The following ACSL3 variants were observed in gnomAD, a reference collection of about 807,000 sequenced individuals.
ACSL3 encodes the protein fatty acid CoA ligase Acsl3.
Under a neutral mutation model 84.7 loss-of-function variants are expected in ACSL3, and 34 were observed. The ratio of observed to expected loss-of-function variants is 0.40; its 90% CI spans 0.31 to 0.53. The LOEUF is 0.53. Among genes scored for constraint, ACSL3 ranks in the 20% least tolerant of loss-of-function variants. ACSL3 has a pLI of 0.48. For synonymous variants in ACSL3, 315 were observed against 299.4 expected (o/e 1.05, Z -0.54); for missense variants, 680 against 873.1 (o/e 0.78, Z 2.79).
chr2:222,903,608 G>GT (rs1366854789), intron 3 of ACSL3, among the ~76,000 whole-genome samples: 4 of 152,170 alleles, frequency 2.6e-5, no homozygotes, highest in African/African-American at 7.2e-5. Flanking sequence ...ATTGAAAAGA[G>GT]TTATATGAGT....
Position 222,909,145 on chromosome 2 carries a change from A to T in ACSL3, c.373A>T (p.Lys125Ter). ...DEVQPNGKIF[K>*]KVILGQYNWL... is the part of the protein sequence containing the mutation. Reference sequence around the variant, plus strand: ...AGTACAACCAAATGGAAAAATTTTTAAAAAGGTAAGATGATCTTTCATTGC... The same window carrying T: ...AGTACAACCAAATGGAAAAATTTTTTAAAAGGTAAGATGATCTTTCATTGC... The change falls in exon 4 of 17, where the codon AAA becomes TAA. Residue 125 changes from lysine to a stop codon, truncating the protein, a stop_gained. Coordinates refer to ENST00000357430, the MANE Select transcript of ACSL3 (RefSeq NM_004457.5). LOFTEE classifies it high-confidence loss of function. 1 of 1,595,046 alleles carries T rather than the reference A, an allele frequency of 6.3e-7. No homozygotes were observed. Among genetic ancestry groups the T allele is most frequent in the Non-Finnish European group, 8.5e-7 (1 of 1,175,516 alleles).
In ACSL3 at chr2:222,943,798, A is replaced by G. The variant is rs1377025469; in HGVS notation, c.*2144A>G. The G allele has an allele frequency of 6.6e-6, 1 of 152,260 alleles. No homozygotes were observed. The highest frequency in any genetic ancestry group is 1.5e-5 in the Non-Finnish European group (1 of 67,984). The allele number at this position is 152,260 out of a possible 1,614,324, so 9.4% of individuals were successfully genotyped here. On this transcript the variant is annotated 3_prime_UTR_variant, in exon 17 of 17. Coordinates refer to ENST00000357430, the MANE Select transcript of ACSL3 (RefSeq NM_004457.5). The stretch of plus-strand genomic sequence containing the variant: ...CCCTTTCAAGAGGAAAAAACTGTTC[A>G]ATGAAAAAACCACTCAATTATGACT...
intron 1 of ACSL3, among the ~76,000 whole-genome samples, chr2:222,871,244 A>G (rs1695295357): frequency 7.2e-6 from 1 of 138,306 alleles, no homozygotes; most frequent in South Asian, 2.1e-4. Flanking sequence ...TGAGTTGGGA[A>G]AGGTGAAAGC....
At chr2:222,920,546 G>GA (rs1464740665) in intron 7 of ACSL3, among the ~76,000 whole-genome samples, 1 of 152,160 alleles carries the variant, frequency 6.6e-6, no homozygotes, top group Non-Finnish European at 1.5e-5. Context: ...CAAACACCTA[G>GA]ATACTCTAGT....
chr2:222,903,557 A>G (rs1265323151), intron 3 of ACSL3, among the ~76,000 whole-genome samples: 1 of 152,258 alleles, frequency 6.6e-6, no homozygotes, highest in Non-Finnish European at 1.5e-5. Context: ...GAGTAACACC[A>G]TAGTTATATG....
At position 222,896,197 on chromosome 2, in the gene ACSL3, AC is replaced by A. The variant is rs1185324077; in HGVS notation, c.-147-4466del. Among the ~76,000 whole-genome samples, 6 of 2,310 alleles carry A rather than the reference AC, an allele frequency of 2.6e-3. 1 individual carries two copies. Among genetic ancestry groups the A allele is most frequent in the African/African-American group, 4.5e-3 (1 of 222 alleles). The allele number at this position is 2,310 out of a possible 152,430, so 1.5% of individuals were successfully genotyped here. On this transcript the variant is annotated intron_variant, in intron 2 of 16. Transcript: ENST00000357430. The stretch of plus-strand genomic sequence containing the variant: ...CCCTCCCGGACGGGGCGGCTGGCCG[AC>A]CCCCCCCCCCGCCGCCTCCCTCCCG...
intron 16 of ACSL3, among the ~76,000 whole-genome samples, chr2:222,935,807 TAAC>T (rs958055325): frequency 1.3e-5 from 2 of 152,230 alleles, no homozygotes; most frequent in African/African-American, 2.4e-5. Flanking sequence ...TTTACTATCT[TAAC>T]ATTTTAAGTG....
rs1469821608 is a variant in ACSL3 at position 222,909,154 on chromosome 2, A to T, written c.378+4A>T. On this transcript the variant is annotated splice_donor_region_variant and intron_variant, in intron 4 of 16. Coordinates refer to ENST00000357430, the MANE Select transcript of ACSL3 (RefSeq NM_004457.5). ...AAATGGAAAAATTTTTAAAAAGGTA[A>T]GATGATCTTTCATTGCCTTTGAATT... is the stretch of plus-strand genomic sequence containing the variant. 1.3e-6 allele frequency: 2 copies of T among 1,592,980 alleles called. No homozygotes were observed. Among genetic ancestry groups the T allele is most frequent in the Non-Finnish European group, 1.7e-6 (2 of 1,174,812 alleles).
At chr2:222,917,991 T>A (rs1574553819) in intron 5 of ACSL3, 55 bp from the exon 6 acceptor site, 2 of 1,278,830 alleles carry the variant, frequency 1.6e-6, no homozygotes, top group African/African-American at 2.9e-5. Context: ...TTCAGAGACT[T>A]TACATTTGTA....
intron 7 of ACSL3, 116 bp from the exon 8 acceptor site, chr2:222,921,164 T>G: frequency 8.6e-7 from 1 of 1,157,236 alleles, no homozygotes; most frequent in Non-Finnish European, 1.3e-6. Flanking sequence ...ATTTGTTGAA[T>G]TGAGTTAAAT....
chr2:222,869,971 A>G (rs1334909058), intron 1 of ACSL3, among the ~76,000 whole-genome samples: 6 of 152,160 alleles, frequency 3.9e-5, no homozygotes, highest in Admixed American at 1.3e-4. Context: ...GCAGCTAGCA[A>G]ATGGAGAGAA....
intron 1 of ACSL3, among the ~76,000 whole-genome samples, chr2:222,873,586 G>GCAC (rs1695362485): frequency 1.3e-5 from 2 of 152,296 alleles, no homozygotes; most frequent in Non-Finnish European, 2.9e-5. Flanking sequence ...TATAGCCAGT[G>GCAC]CTGAGGTGCT....
rs200331524 is a variant in ACSL3, at chr2:222,918,404, TTC to T, written c.666+253_666+254del. ...AAATTGAAGAAATTACGACTACTTT[TTC>T]TCTTATTGTGCTCATCTATTTTCTA... On this transcript the variant is annotated intron_variant, in intron 6 of 16. Coordinates refer to ENST00000357430, the MANE Select transcript of ACSL3 (RefSeq NM_004457.5). Among the ~76,000 whole-genome samples, 928 of 152,186 alleles carry T rather than the reference TTC, an allele frequency of 6.1e-3. 3 individuals carry two copies. Among genetic ancestry groups the T allele is most frequent in the African/African-American group, 0.022 (894 of 41,554 alleles).
chr2:222,872,310 G>C (rs1044861943), intron 1 of ACSL3, among the ~76,000 whole-genome samples: 1 of 152,026 alleles, frequency 6.6e-6, no homozygotes, highest in Non-Finnish European at 1.5e-5. Flanking sequence ...ATTTTTAGTA[G>C]AGACAGGGTT....
chr2:222,900,993 A>G (rs1031265032), intron 3 of ACSL3, among the ~76,000 whole-genome samples: 6 of 152,222 alleles, frequency 3.9e-5, no homozygotes, highest in East Asian at 3.9e-4. Flanking sequence ...ACAAAAGACA[A>G]ACTTTTTGGT....
chr2:222,873,431 G>A lies in ACSL3; in HGVS notation c.-207+12173G>A, dbSNP rs375058196. 3.8e-3 allele frequency among the ~76,000 whole-genome samples: 583 copies of A among 152,228 alleles called. 2 individuals are homozygous for A. Among genetic ancestry groups the A allele is most frequent in the Middle Eastern group, 0.02 (6 of 294 alleles). ...TTAAAAGATCATAAATTGACCTAGT[G>A]TTTCAGGCATGTCAATACTGTTGCT... On this transcript the variant is annotated intron_variant, in intron 1 of 16. Transcript: ENST00000357430.
intron 16 of ACSL3, among the ~76,000 whole-genome samples, chr2:222,935,016 C>CT (rs2106142091): frequency 6.6e-6 from 1 of 152,252 alleles, no homozygotes; most frequent in Admixed American, 6.5e-5. Flanking sequence ...GCCAAAACTC[C>CT]TTTTGAAACT....
At chr2:222,939,673 C>T (rs1697255824) in intron 16 of ACSL3, among the ~76,000 whole-genome samples, 1 of 152,150 alleles carries the variant, frequency 6.6e-6, no homozygotes, top group Admixed American at 6.5e-5. Flanking sequence ...CTCTGGCAAG[C>T]GAATGCCTTG....
chr2:222,922,831 G>C lies in ACSL3; in HGVS notation c.1080G>C (p.Gln360His), dbSNP rs370161161. 6.2e-7 allele frequency: 1 copy of C among 1,613,318 alleles called. No homozygotes were observed. The highest frequency in any genetic ancestry group is 1.1e-5 in the South Asian group (1 of 90,886). ...CTTCACCACAGACTTTAGCAGATCAGGTAAGTTCAGTGTCTGTGACTTGAA... is the reference window on the plus strand; with the variant it reads ...CTTCACCACAGACTTTAGCAGATCACGTAAGTTCAGTGTCTGTGACTTGAA... The part of the protein sequence containing the change: ...GYSSPQTLAD[Q>H]SSKIKKGSKG... Residue 360 changes from glutamine to histidine, a missense_variant and splice_region_variant, in exon 9 of 17, where the codon CAG (glutamine) becomes CAC (histidine). By Grantham distance (24) the Gln-to-His change is conservative. Around this residue, in one of 2 missense-constraint regions of ACSL3, gnomAD observed 347 missense variants for 525.7 expected, o/e 0.66. Transcript: ENST00000357430.
Sources: gnomAD v4.1 joint callset for allele counts (sites outside exome capture counted in the v4.1 genomes callset) on GRCh38, gnomAD v4.1.1 for gene constraint, gnomAD v4.1.1 regional missense constraint, MANE v1.5 for transcripts, NCBI Gene and HGNC (gene_info 2026-07-23, HGNC 2026-07-21) for gene names.